The following KCNN2 variants were observed in gnomAD, a reference collection of about 807,000 sequenced individuals.
The protein encoded by KCNN2 is small conductance calcium-activated potassium channel protein 2.
A neutral mutation model predicts 55.5 loss-of-function variants in KCNN2; 24 were observed. That is an observed-to-expected ratio of 0.43 (90% CI 0.31 to 0.61). The LOEUF is 0.61. KCNN2 is among the 20% of genes least tolerant of loss of function. KCNN2 has a pLI of 0.08. For missense variants in KCNN2, 754 were observed against 853.6 expected (o/e 0.88, Z 1.45); for synonymous variants, 431 against 336.1 (o/e 1.28, Z -3.09).
At chr5:114,120,163 C>G (rs530900836) in intron 1 of KCNN2, among the ~76,000 whole-genome samples, 2 of 152,220 alleles carry the variant, frequency 1.3e-5, no homozygotes, top group South Asian at 4.1e-4. Flanking sequence ...TCTGAGGTTT[C>G]ATTAAATTAT....
intron 3 of KCNN2, among the ~76,000 whole-genome samples, chr5:114,405,532 T>C (rs186803799): frequency 1.2e-3 from 176 of 152,254 alleles, no homozygotes; most frequent in South Asian, 9.5e-3. Flanking sequence ...TTAAGAAAAA[T>C]AGACTTATGA....
At chr5:114,082,916 TG>T (rs1750856221) in intron 1 of KCNN2, among the ~76,000 whole-genome samples, 1 of 151,788 alleles carries the variant, frequency 6.6e-6, no homozygotes, top group African/African-American at 2.4e-5. Flanking sequence ...GAGAGAGAAA[TG>T]AGGAATTATT....
At chr5:114,192,657 G>A (rs992761518) in intron 1 of KCNN2, among the ~76,000 whole-genome samples, 1 of 152,090 alleles carries the variant, frequency 6.6e-6, no homozygotes, top group East Asian at 1.9e-4. Flanking sequence ...TACTGTGCAC[G>A]GTCATATGTC....
rs184777189 is a variant in KCNN2, at chr5:114,343,127, C to T, written c.-184-17818C>T. On this transcript the variant is annotated intron_variant, in intron 2 of 10. Transcript: ENST00000512097. ...ATTTAATTTATCAAATTCAATAAGC[C>T]TTTATTCTTAGTCTTAAACTTTTGA... is the stretch of plus-strand genomic sequence containing the variant. Among the ~76,000 whole-genome samples the T allele has an allele frequency of 5.9e-5, 9 of 152,196 alleles. No individual in the cohort carries two copies. The East Asian group carries it at 1.2e-3, about 20-fold the overall frequency.
chr5:114,495,362 T>G (rs1207825159), intron 7 of KCNN2, among the ~76,000 whole-genome samples: 1 of 152,226 alleles, frequency 6.6e-6, no homozygotes, highest in Admixed American at 6.5e-5. Flanking sequence ...AGGAATTTAT[T>G]GCTTTAAATT....
chr5:114,386,104 C>G (rs1266599653), intron 2 of KCNN2, among the ~76,000 whole-genome samples: 1 of 150,308 alleles, frequency 6.7e-6, no homozygotes, highest in African/African-American at 2.5e-5. Context: ...ATGGCGTGAA[C>G]CGAGGAGACA....
At chr5:114,152,584 A>G (rs528562247) in intron 1 of KCNN2, among the ~76,000 whole-genome samples, 1 of 152,280 alleles carries the variant, frequency 6.6e-6, no homozygotes, top group East Asian at 1.9e-4. Context: ...ATGGGAGCTT[A>G]TTCTATAACA....
At chr5:114,268,039 C>G (rs1231951108) in intron 2 of KCNN2, among the ~76,000 whole-genome samples, 1 of 152,174 alleles carries the variant, frequency 6.6e-6, no homozygotes, top group Non-Finnish European at 1.5e-5. Context: ...CTGATCCCAC[C>G]CTAGCACTTC....
At chr5:114,339,981 T>C (rs1033907805) in intron 2 of KCNN2, among the ~76,000 whole-genome samples, 2 of 152,150 alleles carry the variant, frequency 1.3e-5, no homozygotes, top group Non-Finnish European at 2.9e-5. Flanking sequence ...TCCTGCCACA[T>C]ATAGCAGAAC....
intron 2 of KCNN2, among the ~76,000 whole-genome samples, chr5:114,305,679 T>C (rs754717906): frequency 5.3e-5 from 8 of 152,034 alleles, no homozygotes; most frequent in Non-Finnish European, 7.4e-5. Context: ...CACACATACA[T>C]ACACACACAC....
At position 114,241,750 on chromosome 5, in the gene KCNN2, A is replaced by ATATG. The variant is rs1339647345; in HGVS notation, c.-185+20186_-185+20187insATGT. 1.5e-3 allele frequency among the ~76,000 whole-genome samples: 17 copies of ATATG among 11,280 alleles called. 3 individuals are homozygous for ATATG. Among genetic ancestry groups the ATATG allele is most frequent in the Non-Finnish European group, 2.6e-3 (15 of 5,690 alleles). The allele number at this position is 11,280 out of a possible 152,430, so 7.4% of individuals were successfully genotyped here. A position where few individuals can be genotyped will look rare whatever the true frequency, so the allele number is the denominator to read the frequency against. ...TATATATACATATATACGTATATAT[A>ATATG]TGTATATATATACGTATATATATAC... On this transcript the variant is annotated intron_variant, in intron 2 of 10. Transcript: ENST00000512097.
intron 1 of KCNN2, among the ~76,000 whole-genome samples, chr5:114,171,203 G>A (rs1276102298): frequency 1.3e-5 from 2 of 151,982 alleles, no homozygotes; most frequent in African/African-American, 2.4e-5. Flanking sequence ...TAGGAAGGAA[G>A]TATGCATTCT....
Position 114,117,155 on chromosome 5 carries a change from G to A in KCNN2, c.-271+60655G>A, listed in dbSNP as rs557983939. Among the ~76,000 whole-genome samples, 10 of 152,208 alleles carry A rather than the reference G, an allele frequency of 6.6e-5. No individual in the cohort carries two copies. In the South Asian group the frequency reaches 8.3e-4, roughly 13 times the overall value. On this transcript the variant is annotated intron_variant, in intron 1 of 10. Coordinates refer to the KCNN2 transcript ENST00000512097. The stretch of plus-strand genomic sequence containing the variant: ...AGATCAAGACATGACTAAGCATATC[G>A]CCCAAGCTTGCTTATGAATAGCCAG...
intron 2 of KCNN2, among the ~76,000 whole-genome samples, chr5:114,392,935 A>C (rs1391990552): frequency 1.3e-5 from 2 of 151,644 alleles, no homozygotes; most frequent in African/African-American, 4.8e-5. Flanking sequence ...ATGATCCCAA[A>C]AATGTCCTAA....
intron 6 of KCNN2, among the ~76,000 whole-genome samples, chr5:114,489,860 A>AAC (rs907569855): frequency 4.5e-4 from 69 of 152,236 alleles, no homozygotes; most frequent in African/African-American, 1.7e-3. Context: ...TTACTAGCTG[A>AAC]AGAAAAATGT....
chr5:114,231,541 A>G (rs775091579), intron 2 of KCNN2, among the ~76,000 whole-genome samples: 29 of 150,998 alleles, frequency 1.9e-4, no homozygotes, highest in Non-Finnish European at 4.0e-4. Context: ...CCTGGGAAAA[A>G]TTTTGTTCTT....
At chr5:114,300,103 C>G (rs1206701848) in intron 2 of KCNN2, among the ~76,000 whole-genome samples, 1 of 152,102 alleles carries the variant, frequency 6.6e-6, no homozygotes, top group Non-Finnish European at 1.5e-5. Context: ...TCCCTTCTTA[C>G]AAAACCATGA....
chr5:114,431,282 C>T (rs1759784452), intron 3 of KCNN2, among the ~76,000 whole-genome samples: 1 of 151,802 alleles, frequency 6.6e-6, no homozygotes, highest in Non-Finnish European at 1.5e-5. Flanking sequence ...ATATGGGCCT[C>T]TTTAGTTACT....
chr5:114,180,080 C>T (rs968808457), intron 1 of KCNN2, among the ~76,000 whole-genome samples: 2 of 152,130 alleles, frequency 1.3e-5, no homozygotes, highest in Non-Finnish European at 2.9e-5. Flanking sequence ...GGTGGGTGCA[C>T]TCTGTGGACA....
Sources: gnomAD v4.1 joint callset for allele counts (sites outside exome capture counted in the v4.1 genomes callset) on GRCh38, gnomAD v4.1.1 for gene constraint, MANE v1.5 for transcripts, NCBI Gene and HGNC (gene_info 2026-07-23, HGNC 2026-07-21) for gene names.